The following TEKTL1 variants were observed in gnomAD, a reference collection of about 807,000 sequenced individuals.
TEKTL1 encodes tektin-like protein 1.
chr19:15,017,998 T>C, the TEKTL1 span, among the ~76,000 whole-genome samples: 6 of 151,536 alleles, frequency 4.0e-5, no homozygotes, highest in South Asian at 4.2e-4. Context: ...AGTTCAACAC[T>C]AGCCTGAGCA....
chr19:15,021,205 A>T, the TEKTL1 span: 1 of 955,674 alleles, frequency 1.0e-6, no homozygotes, highest in Non-Finnish European at 1.5e-6. Context: ...CGCTTCTTAC[A>T]CTATCCCCCG....
the TEKTL1 span, among the ~76,000 whole-genome samples, chr19:15,018,211 A>G: frequency 6.6e-6 from 1 of 152,098 alleles, no homozygotes; most frequent in South Asian, 2.1e-4. Context: ...AAAATTAGCT[A>G]GGTGTGATGG....
the TEKTL1 span, among the ~76,000 whole-genome samples, chr19:15,019,371 G>C: frequency 2.6e-5 from 4 of 152,098 alleles, no homozygotes; most frequent in Non-Finnish European, 5.9e-5. Flanking sequence ...AAGTGGAAAA[G>C]AATACGTTTT....
At chr19:15,011,020 C>T in the TEKTL1 span, 3 of 1,582,358 alleles carry the variant, frequency 1.9e-6, no homozygotes, top group South Asian at 2.3e-5. Context: ...TCGGCCGCGC[C>T]GCCTACATCC....
chr19:15,015,939 G>GTCAA, the TEKTL1 span, among the ~76,000 whole-genome samples: 2 of 152,110 alleles, frequency 1.3e-5, no homozygotes, highest in Non-Finnish European at 2.9e-5. Flanking sequence ...ATCTGCATAT[G>GTCAA]TCAACTTGCT....
At chr19:15,013,266 G>A in the TEKTL1 span, among the ~76,000 whole-genome samples, 5 of 151,932 alleles carry the variant, frequency 3.3e-5, no homozygotes, top group African/African-American at 4.8e-5. Context: ...CTCCAAAAAC[G>A]TAAACCCTCA....
the TEKTL1 span, chr19:15,023,235 T>G: frequency 2.4e-6 from 2 of 847,804 alleles, no homozygotes; most frequent in Non-Finnish European, 3.6e-6. Context: ...CCAAGCACCC[T>G]CTAGGAGAAT....
the TEKTL1 span, among the ~76,000 whole-genome samples, chr19:15,014,738 C>CGGGGGGAGGGG: frequency 3.7e-3 from 110 of 29,810 alleles, 4 homozygotes; most frequent in African/African-American, 0.014. Context: ...GGGCGGGGGG[C>CGGGGGGAGGGG]GGGGGCTGCT....
the TEKTL1 span, among the ~76,000 whole-genome samples, chr19:15,022,409 A>G: frequency 2.0e-5 from 3 of 151,944 alleles, no homozygotes; most frequent in Non-Finnish European, 4.4e-5. Context: ...GCTCACTGCA[A>G]CCTTCACCTC....
the TEKTL1 span, chr19:15,021,943 T>C: frequency 6.4e-7 from 1 of 1,572,552 alleles, no homozygotes; most frequent in Non-Finnish European, 8.7e-7. Flanking sequence ...CCCGTACCCC[T>C]CTAGGCCCAG....
chr19:15,022,158 AC>A, the TEKTL1 span, among the ~76,000 whole-genome samples: 1 of 151,536 alleles, frequency 6.6e-6, no homozygotes, highest in Non-Finnish European at 1.5e-5. Flanking sequence ...CCTCACACAC[AC>A]CCTCACTGTC....
chr19:15,022,738 G>C, the TEKTL1 span: 1 of 737,400 alleles, frequency 1.4e-6, no homozygotes, highest in Non-Finnish European at 2.0e-6. Flanking sequence ...TTTTTTTCCA[G>C]GCACACCTGG....
chr19:15,021,346 T>C, the TEKTL1 span: 1 of 1,613,352 alleles, frequency 6.2e-7, no homozygotes, highest in Non-Finnish European at 8.5e-7. Flanking sequence ...ATCCTGGGCA[T>C]TTGCAGCGTG....
At chr19:15,010,959 C>G in the TEKTL1 span, 1 of 1,592,352 alleles carries the variant, frequency 6.3e-7, no homozygotes. Context: ...GAGGCGGTGA[C>G]CATGTGGCAG....
chr19:15,020,332 C>T, the TEKTL1 span: 1 of 759,164 alleles, frequency 1.3e-6, no homozygotes, highest in Non-Finnish European at 2.1e-6. Flanking sequence ...ATGAGAGTGT[C>T]AGTTTCCGTT....
chr19:15,015,767 A>G, the TEKTL1 span, among the ~76,000 whole-genome samples: 1 of 152,212 alleles, frequency 6.6e-6, no homozygotes, highest in Non-Finnish European at 1.5e-5. Flanking sequence ...AGCTTACTGG[A>G]GATGATGGTT....
At chr19:15,023,155 G>C in the TEKTL1 span, 1 of 1,534,028 alleles carries the variant, frequency 6.5e-7, no homozygotes, top group Non-Finnish European at 8.7e-7. Context: ...CAGCTGATTG[G>C]ATGCTGGCTG....
chr19:15,020,339 C>T, the TEKTL1 span: 18 of 820,230 alleles, frequency 2.2e-5, no homozygotes, highest in African/African-American at 3.5e-5. Context: ...TGTCAGTTTC[C>T]GTTTAGAGGT....
chr19:15,011,207 G>T, the TEKTL1 span: 1 of 1,474,040 alleles, frequency 6.8e-7, no homozygotes, highest in Non-Finnish European at 9.0e-7. Context: ...GGTGGTGCAC[G>T]CGCACGCGCG....
Sources: allele counts gnomAD v4.1 joint callset (sites outside exome capture counted in the v4.1 genomes callset), GRCh38; gene constraint gnomAD v4.1.1; transcripts MANE v1.5; gene names NCBI Gene and HGNC (gene_info 2026-07-23, HGNC 2026-07-21).